Variants in ERG observed in about 807,000 individuals in gnomAD.
ERG encodes the protein transcriptional regulator ERG.
In ERG, 9 loss-of-function variants were observed where a neutral mutation model predicts 55.3. The observed-to-expected ratio is 0.16, with a 90% CI of 0.10 to 0.28. The LOEUF (loss-of-function observed/expected upper bound fraction) is 0.28, where lower values mean the gene tolerates loss of function less well. Ranked by LOEUF, ERG falls within the 10% of genes least tolerant of loss-of-function variation. The pLI, the probability that ERG is intolerant of heterozygous loss-of-function variation, is 1.00. For missense variants in ERG, 434 were observed against 631.6 expected (o/e 0.69, Z 3.35); for synonymous variants, 223 against 237.3 (o/e 0.94, Z 0.55).
chr21:38,569,434 C>A (rs2059943780), intron 2 of ERG, among the ~76,000 whole-genome samples: 1 of 152,190 alleles, frequency 6.6e-6, no homozygotes, highest in Admixed American at 6.5e-5. Flanking sequence ...AGCATCAGAC[C>A]AAGTGATCTC....
At chr21:38,660,841 G>C (rs2060550044) in intron 1 of ERG, among the ~76,000 whole-genome samples, 5 of 151,514 alleles carry the variant, frequency 3.3e-5, no homozygotes, top group African/African-American at 7.3e-5. Context: ...GCGCGCGGGA[G>C]TCTTCGAGTG....
chr21:38,383,188 A>G lies in ERG; in HGVS notation c.*215T>C, dbSNP rs1037850028. On this transcript the variant is annotated 3_prime_UTR_variant, in exon 10 of 10. Coordinates refer to ENST00000288319, the MANE Select transcript of ERG (RefSeq NM_182918.4). The surrounding 1 kb of genome is among the most constrained non-coding windows in gnomAD (Gnocchi z 5.7). ...AGGTCAGTCCACAGATGATATGTCC[A>G]TATTCGTGACATTTTTAGCATCCTC... 4.7e-6 allele frequency: 6 copies of G among 1,279,904 alleles called. No individual in the cohort carries two copies. The highest frequency in any genetic ancestry group is 1.5e-5 in the African/African-American group (1 of 66,846). The allele number at this position is 1,279,904 out of a possible 1,614,324, so 79.3% of individuals were successfully genotyped here.
rs181005959 is a variant in ERG, at chr21:38,485,709, C to T, written c.18+12654G>A. Among the ~76,000 whole-genome samples, 205 of 151,922 alleles carry T rather than the reference C, an allele frequency of 1.3e-3. 2 individuals are homozygous for T. Among genetic ancestry groups the T allele is most frequent in the African/African-American group, 4.8e-3 (198 of 41,396 alleles). On this transcript the variant is annotated intron_variant, in intron 1 of 9. Coordinates refer to ENST00000288319, the MANE Select transcript of ERG (RefSeq NM_182918.4). ...TCCTGACCTCGTGATCCGCCCACCT[C>T]GGCCTCCCAAAGTGCTGGGATTACA... is the stretch of plus-strand genomic sequence containing the variant.
chr21:38,488,484 G>A (rs1172853819), intron 1 of ERG, among the ~76,000 whole-genome samples: 7 of 152,102 alleles, frequency 4.6e-5, no homozygotes, highest in African/African-American at 4.8e-5. Context: ...GACACATCCT[G>A]TAGATGGCTA....
intron 1 of ERG, among the ~76,000 whole-genome samples, chr21:38,649,414 G>A (rs999414372): frequency 2.6e-5 from 4 of 152,176 alleles, no homozygotes; most frequent in African/African-American, 9.7e-5. Context: ...CCAGTCAAAC[G>A]TTCTGGTTAC....
intron 2 of ERG, among the ~76,000 whole-genome samples, chr21:38,441,539 T>G (rs1041874165): frequency 6.6e-6 from 1 of 152,134 alleles, no homozygotes; most frequent in Non-Finnish European, 1.5e-5. Context: ...ATCCTATAAG[T>G]TCTATTTCTC....
At chr21:38,518,276 CTATCTATCTATCTATT>C (rs1268221112) in intron 2 of ERG, among the ~76,000 whole-genome samples, 7 of 150,500 alleles carry the variant, frequency 4.7e-5, no homozygotes. Context: ...ATCTATCTAT[CTATCTATCTATCTATT>C]TATAGTATCC....
At chr21:38,546,568 T>C (rs545592667) in intron 2 of ERG, among the ~76,000 whole-genome samples, 4 of 152,328 alleles carry the variant, frequency 2.6e-5, no homozygotes, top group Non-Finnish European at 4.4e-5. Flanking sequence ...TTTTCATTTT[T>C]ATGATACACA....
intron 9 of ERG, among the ~76,000 whole-genome samples, chr21:38,385,521 A>G (rs1190971382): frequency 6.6e-6 from 1 of 152,240 alleles, no homozygotes; most frequent in Admixed American, 6.5e-5. Context: ...TCTGCTTTGC[A>G]TGTTGGCTAC....
intron 1 of ERG, chr21:38,471,117 C>T (rs147353258): frequency 8.5e-5 from 13 of 152,106 alleles, no homozygotes; most frequent in Admixed American, 5.2e-4. Flanking sequence ...TGTATGAAGA[C>T]GAAAATTGGA....
At chr21:38,648,095 A>C (rs938633296) in intron 1 of ERG, among the ~76,000 whole-genome samples, 3 of 152,252 alleles carry the variant, frequency 2.0e-5, no homozygotes, top group Non-Finnish European at 2.9e-5. Context: ...CATGCATTTA[A>C]CTTTCCCAAA....
chr21:38,635,585 T>C (rs1320042428), intron 1 of ERG, among the ~76,000 whole-genome samples: 2 of 152,176 alleles, frequency 1.3e-5, no homozygotes, highest in Admixed American at 1.3e-4. Context: ...ATAATAATAA[T>C]AAACTTCTCA....
intron 2 of ERG, among the ~76,000 whole-genome samples, chr21:38,424,129 G>C (rs796398003): frequency 2.5e-4 from 38 of 151,318 alleles, no homozygotes; most frequent in African/African-American, 8.8e-4. Context: ...GGTCATGAGG[G>C]TAGAGTCCCA....
At chr21:38,459,519 C>T (rs1425840830) in intron 1 of ERG, among the ~76,000 whole-genome samples, 1 of 152,228 alleles carries the variant, frequency 6.6e-6, no homozygotes, top group Admixed American at 6.5e-5. Flanking sequence ...ATCTTTGCTT[C>T]TGCTACACTG....
At chr21:38,583,266 G>A (rs1425513600) in intron 1 of ERG, among the ~76,000 whole-genome samples, 1 of 152,200 alleles carries the variant, frequency 6.6e-6, no homozygotes, top group East Asian at 1.9e-4. Context: ...CCTCCCTTAT[G>A]GGGCAGGAAG....
rs144012510 is a variant in ERG at position 38,423,527 on chromosome 21, C to T, written c.271G>A (p.Gly91Arg). The T allele has an allele frequency of 3.3e-5, 53 of 1,613,956 alleles. No individual in the cohort carries two copies. Among genetic ancestry groups the T allele is most frequent in the East Asian group, 4.5e-5 (2 of 44,894 alleles). ...SPDECSVAKG[G>R]KMVGSPDTVG... ...GTGTCTGGGCTGCCCACCATCTTCC[C>T]GCCTTTGGCCACACTGCATTCATCA... The change falls in exon 3 of 10, where the codon GGG (glycine) becomes AGG (arginine). Residue 91 changes from glycine to arginine, a missense_variant. Gly to Arg is a moderately radical substitution (Grantham distance 125). This residue lies in a region of ERG where 212 missense variants were observed against 262.9 expected (regional missense o/e 0.81). Coordinates refer to ENST00000288319, the MANE Select transcript of ERG (RefSeq NM_182918.4).
upstream of ERG, chr21:38,502,434 C>A: frequency 6.4e-6 from 1 of 156,596 alleles, no homozygotes. Context: ...CTAACCTTCC[C>A]GAGTTGAAAA....
chr21:38,438,522 G>A (rs556870761), intron 2 of ERG, among the ~76,000 whole-genome samples: 2 of 152,246 alleles, frequency 1.3e-5, no homozygotes, highest in African/African-American at 2.4e-5. Flanking sequence ...CATGACAAAT[G>A]GCATGTTTTT....
At position 38,383,672 on chromosome 21, in the gene ERG, C is replaced by T. The variant is rs780042015; in HGVS notation, c.1171G>A (p.Asp391Asn). ...AGGGCCTGGGCGATCCCGTGGAAGTCGAACTTGTAGGCGTAGCGCTTCCCA... is the reference window on the plus strand; with the variant it reads ...AGGGCCTGGGCGATCCCGTGGAAGTTGAACTTGTAGGCGTAGCGCTTCCCA... ...VHGKRYAYKF[D>N]FHGIAQALQP... Residue 391 changes from aspartate to asparagine, a missense_variant, in exon 10 of 10, where the codon GAC (aspartate) becomes AAC (asparagine). Physicochemically the swap from Asp to Asn is conservative, Grantham distance 23 (BLOSUM62 1). Around this residue, in one of 5 missense-constraint regions of ERG, gnomAD observed 107 missense variants for 126.8 expected, o/e 0.84. Coordinates refer to ENST00000288319, the MANE Select transcript of ERG (RefSeq NM_182918.4). The surrounding 1 kb of genome is among the most constrained non-coding windows in gnomAD (Gnocchi z 5.7). 1 of 1,614,126 alleles carries T rather than the reference C, an allele frequency of 6.2e-7. No homozygotes were observed. Among genetic ancestry groups the T allele is most frequent in the Non-Finnish European group, 8.5e-7 (1 of 1,180,034 alleles).
Sources: allele counts gnomAD v4.1 joint callset (sites outside exome capture counted in the v4.1 genomes callset), GRCh38; gene constraint gnomAD v4.1.1; regional missense constraint gnomAD v4.1.1; non-coding constraint Gnocchi (gnomAD v3.1); transcripts MANE v1.5; gene names NCBI Gene and HGNC (gene_info 2026-07-23, HGNC 2026-07-21).